ARHGEF9: variants seen among roughly 807,000 people sequenced by gnomAD.
The protein encoded by ARHGEF9 is rho guanine nucleotide exchange factor 9.
ARHGEF9 carries 2 observed loss-of-function variants against 41.3 expected under a neutral mutation model. That is an observed-to-expected ratio of 0.05 (90% CI 0.02 to 0.15). ARHGEF9 has a LOEUF of 0.15. Among genes scored for constraint, ARHGEF9 ranks in the 10% least tolerant of loss-of-function variants. The pLI, the probability that ARHGEF9 is intolerant of heterozygous loss-of-function variation, is 1.00. For synonymous variants in ARHGEF9, 160 were observed against 154.4 expected (o/e 1.04, Z -0.27); for missense variants, 225 against 424.7 (o/e 0.53, Z 4.13).
In ARHGEF9 at chrX:63,635,256, A is replaced by G; in HGVS notation, c.*2772T>C. ...AGAACTCTCTTGTTGCTGTTCTTAT[A>G]GATCCATTAGAAATATACACATAGA... On this transcript the variant is annotated 3_prime_UTR_variant, in exon 10 of 10. Transcript: ENST00000671741. The G allele has an allele frequency of 2.1e-6, 1 of 481,419 alleles. No homozygotes were observed. Among genetic ancestry groups the G allele is most frequent in the South Asian group, 2.8e-5 (1 of 36,351 alleles). 39.7% of individuals were successfully genotyped at this position (481,419 alleles called of 1,213,427 possible). A position where few individuals can be genotyped will look rare whatever the true frequency, so the allele number is the denominator to read the frequency against.
chrX:63,703,638 T>C (rs1184322419), intron 3 of ARHGEF9, among the ~76,000 whole-genome samples: 3 of 111,804 alleles, frequency 2.7e-5, no homozygotes, highest in Non-Finnish European at 3.8e-5. Flanking sequence ...AGTAAATCAA[T>C]AGATGAAAAT....
intron 7 of ARHGEF9, among the ~76,000 whole-genome samples, chrX:63,663,999 CT>C (rs1299892902): frequency 2.7e-5 from 3 of 112,000 alleles, no homozygotes; most frequent in African/African-American, 9.7e-5. Flanking sequence ...GGAAGAAAGC[CT>C]ATGGTTCTTG....
intron 8 of ARHGEF9, 61 bp downstream of exon 8, chrX:63,655,433 C>A (rs2048816502): frequency 8.3e-7 from 1 of 1,203,504 alleles, no homozygotes; most frequent in South Asian, 1.8e-5. Context: ...AAATGGAAAC[C>A]AATTCAAACC....
At chrX:63,720,869 T>A (rs1439205086) in intron 2 of ARHGEF9, among the ~76,000 whole-genome samples, 1 of 112,311 alleles carries the variant, frequency 8.9e-6, no homozygotes, top group Non-Finnish European at 1.9e-5. Context: ...TACATAAAAA[T>A]CCAATTCCCG....
intron 1 of ARHGEF9, among the ~76,000 whole-genome samples, chrX:63,749,024 C>T: frequency 8.9e-6 from 1 of 112,196 alleles, no homozygotes; most frequent in Non-Finnish European, 1.9e-5. Flanking sequence ...TTCACACTGG[C>T]CTCTCACCTT....
At chrX:63,668,899 C>A (rs1156722829) in intron 6 of ARHGEF9, among the ~76,000 whole-genome samples, 1 of 111,863 alleles carries the variant, frequency 8.9e-6, no homozygotes, top group Non-Finnish European at 1.9e-5. Context: ...AGAATGATGG[C>A]CCCCACCCAA....
intron 4 of ARHGEF9, among the ~76,000 whole-genome samples, chrX:63,691,394 A>G (rs1283565054): frequency 6.3e-5 from 7 of 110,463 alleles, no homozygotes; most frequent in Non-Finnish European, 1.3e-4. Flanking sequence ...TTAAAACAGG[A>G]TTTAAAAAAA....
chrX:63,774,478 C>T (rs370546585), intron 1 of ARHGEF9, among the ~76,000 whole-genome samples: 1 of 111,965 alleles, frequency 8.9e-6, no homozygotes, highest in East Asian at 2.8e-4. Context: ...ATCCTTTCTA[C>T]CAAGCAAAGC....
chrX:63,775,191 G>A (rs2056272290), intron 1 of ARHGEF9, among the ~76,000 whole-genome samples: 1 of 112,496 alleles, frequency 8.9e-6, no homozygotes, highest in East Asian at 2.8e-4. Flanking sequence ...GGCTGATGAG[G>A]TTGCAGAGAA....
chrX:63,664,007 CT>C lies in ARHGEF9; in HGVS notation c.1077+1878del, dbSNP rs2049371574. On this transcript the variant is annotated intron_variant, in intron 7 of 9. Transcript: ENST00000671741. ...TGTCTTGGGAAGAAAGCCTATGGTT[CT>C]TGTGAAAACAAGAAAGCTCCCTTCT... 2.7e-5 allele frequency among the ~76,000 whole-genome samples: 3 copies of C among 111,933 alleles called. No homozygotes were observed. The South Asian group carries it at 1.1e-3, about 43-fold the overall frequency.
chrX:63,710,911 C>G lies in ARHGEF9; in HGVS notation c.211-4462G>C, dbSNP rs181124171. Reference sequence around the variant, plus strand: ...CTATCTCTAGTCACAGATCATATAACGTGATATACAGGAAATCATAAGGAA... The same window carrying G: ...CTATCTCTAGTCACAGATCATATAAGGTGATATACAGGAAATCATAAGGAA... On this transcript the variant is annotated intron_variant, in intron 2 of 9. Coordinates refer to ENST00000671741, the MANE Select transcript of ARHGEF9 (RefSeq NM_001353921.2). Among the ~76,000 whole-genome samples, 4 of 110,297 alleles carry G rather than the reference C, an allele frequency of 3.6e-5. No individual in the cohort carries two copies. The Admixed American group carries it at 3.9e-4, about 11-fold the overall frequency.
intron 1 of ARHGEF9, among the ~76,000 whole-genome samples, chrX:63,775,434 C>T (rs782272465): frequency 2.9e-4 from 33 of 112,339 alleles, no homozygotes; most frequent in Admixed American, 2.6e-3. Context: ...CCTAGATGCC[C>T]GTCACAGTGG....
At chrX:63,679,872 T>C (rs1225740402) in intron 4 of ARHGEF9, among the ~76,000 whole-genome samples, 2 of 111,599 alleles carry the variant, frequency 1.8e-5, no homozygotes, top group Admixed American at 9.5e-5. Flanking sequence ...AGACAGAATA[T>C]AGACTGAAAA....
chrX:63,693,241 G>A (rs2051475289), intron 4 of ARHGEF9, among the ~76,000 whole-genome samples: 1 of 112,053 alleles, frequency 8.9e-6, no homozygotes, highest in Admixed American at 9.5e-5. Context: ...AAAATAGCTA[G>A]AAGATTTGGA....
chrX:63,773,461 A>C (rs1279658537), intron 1 of ARHGEF9, among the ~76,000 whole-genome samples: 3 of 112,216 alleles, frequency 2.7e-5, no homozygotes, highest in Admixed American at 1.9e-4. Flanking sequence ...TCCTGTCAGG[A>C]ATAATAATTA....
chrX:63,685,910 T>G (rs1383567532), intron 4 of ARHGEF9, among the ~76,000 whole-genome samples: 1 of 111,815 alleles, frequency 8.9e-6, no homozygotes, highest in Non-Finnish European at 1.9e-5. Flanking sequence ...AAACAAAAAG[T>G]ATGACCCATA....
chrX:63,741,686 G>A (rs1488736987), intron 1 of ARHGEF9, among the ~76,000 whole-genome samples: 1 of 112,717 alleles, frequency 8.9e-6, no homozygotes, highest in African/African-American at 3.2e-5. Flanking sequence ...GTATGTGGGT[G>A]CACAATTGTG....
chrX:63,655,311 T>C (rs186792236), intron 8 of ARHGEF9, among the ~76,000 whole-genome samples, 183 bp downstream of exon 8: 124 of 112,122 alleles, frequency 1.1e-3, no homozygotes, highest in African/African-American at 3.8e-3. Flanking sequence ...AGTTCAAACC[T>C]ACCACTGACT....
At chrX:63,779,913 C>A (rs1556461097) in intron 1 of ARHGEF9, among the ~76,000 whole-genome samples, 3 of 111,856 alleles carry the variant, frequency 2.7e-5, no homozygotes, top group African/African-American at 6.5e-5. Context: ...TGTACACTTG[C>A]CACCTAGTTT....
Sources: gnomAD v4.1 joint callset for allele counts (sites outside exome capture counted in the v4.1 genomes callset) on GRCh38, gnomAD v4.1.1 for gene constraint, MANE v1.5 for transcripts, NCBI Gene and HGNC (gene_info 2026-07-23, HGNC 2026-07-21) for gene names.